Variants in CPPED1 observed in about 807,000 individuals in gnomAD.
CPPED1 encodes calcineurin like phosphoesterase domain containing 1, also known as serine/threonine-protein phosphatase CPPED1.
Under a neutral mutation model 28.0 loss-of-function variants are expected in CPPED1, and 28 were observed. That is an observed-to-expected ratio of 1.00 (90% CI 0.74 to 1.37). The LOEUF (loss-of-function observed/expected upper bound fraction) is 1.37. CPPED1 is among the 40% of genes most tolerant of loss of function. The probability of loss-of-function intolerance (pLI) is 0.00; values close to 1 mark genes in which losing one functional copy is unlikely to be tolerated. For missense variants in CPPED1, 504 were observed against 416.5 expected (o/e 1.21, Z -1.83); for synonymous variants, 198 against 180.2 (o/e 1.10, Z -0.79).
chr16:12,797,717 AT>A (rs2141247586), intron 1 of CPPED1, among the ~76,000 whole-genome samples: 1 of 152,276 alleles, frequency 6.6e-6, no homozygotes, highest in South Asian at 2.1e-4. Context: ...TGAAAAAAAA[AT>A]GGCAAAAAAT....
At chr16:12,732,852 C>T (rs907643514) in intron 2 of CPPED1, among the ~76,000 whole-genome samples, 5 of 152,154 alleles carry the variant, frequency 3.3e-5, no homozygotes, top group Non-Finnish European at 7.3e-5. Flanking sequence ...GCAATTTCTT[C>T]TCCAGAAGCT....
intron 2 of CPPED1, among the ~76,000 whole-genome samples, chr16:12,716,776 C>T (rs2080109115): frequency 6.6e-6 from 1 of 152,208 alleles, no homozygotes; most frequent in African/African-American, 2.4e-5. Context: ...ACCCCTGCTA[C>T]CCACTGTGTG....
At chr16:12,730,687 G>A (rs1215981828) in intron 2 of CPPED1, among the ~76,000 whole-genome samples, 3 of 152,208 alleles carry the variant, frequency 2.0e-5, no homozygotes, top group Non-Finnish European at 2.9e-5. Flanking sequence ...GAAGCCAGAA[G>A]ACACAAGAGT....
At chr16:12,667,133 AAAC>A (rs1243299953) in intron 3 of CPPED1, among the ~76,000 whole-genome samples, 1 of 152,196 alleles carries the variant, frequency 6.6e-6, no homozygotes, top group Non-Finnish European at 1.5e-5. Flanking sequence ...GAAAAACAAA[AAAC>A]AAAAAAAACA....
intron 2 of CPPED1, among the ~76,000 whole-genome samples, chr16:12,744,881 G>A (rs2080277310): frequency 6.6e-6 from 1 of 152,190 alleles, no homozygotes; most frequent in Admixed American, 6.5e-5. Flanking sequence ...CTACTTGGAA[G>A]GCTGAGAGTA....
intron 1 of CPPED1, among the ~76,000 whole-genome samples, chr16:12,781,899 T>C (rs971346224): frequency 1.2e-4 from 19 of 152,072 alleles, no homozygotes; most frequent in African/African-American, 4.3e-4. Context: ...ACTTGGCGCT[T>C]GGAAGCTCTG....
chr16:12,731,736 T>A (rs912486435), intron 2 of CPPED1, among the ~76,000 whole-genome samples: 17 of 151,206 alleles, frequency 1.1e-4, no homozygotes, highest in Admixed American at 2.0e-4. Flanking sequence ...TTTTTTTTTT[T>A]AAATTGCACT....
At chr16:12,727,444 CT>C (rs2080176053) in intron 2 of CPPED1, among the ~76,000 whole-genome samples, 1 of 152,150 alleles carries the variant, frequency 6.6e-6, no homozygotes, top group South Asian at 2.1e-4. Flanking sequence ...ACTCGACCTC[CT>C]GGGATCAAGC....
rs578228040 is a variant in CPPED1, at chr16:12,770,815, A to G, written c.289+10370T>C. ...CCAGCCTGGGTGACAGAGTGAGGCT[A>G]TATCAAGGAAAGGAAAGGGAGGGCA... is the stretch of plus-strand genomic sequence containing the variant. On this transcript the variant is annotated intron_variant, in intron 2 of 3. Transcript: ENST00000381774. Among the ~76,000 whole-genome samples, 3 of 149,916 alleles carry G rather than the reference A, an allele frequency of 2.0e-5. 1 individual carries two copies. Among genetic ancestry groups the G allele is most frequent in the African/African-American group, 7.3e-5 (3 of 40,872 alleles).
chr16:12,726,087 G>T (rs957428819), intron 2 of CPPED1, among the ~76,000 whole-genome samples: 2 of 152,086 alleles, frequency 1.3e-5, no homozygotes, highest in African/African-American at 4.8e-5. Context: ...TGTCGCCCAA[G>T]CTGGAGTGCA....
chr16:12,704,931 G>T lies in CPPED1; in HGVS notation c.408C>A (p.Ala136=), dbSNP rs764436302. The change falls in exon 3 of 4, where the codon GCC becomes GCA. Residue 136 remains alanine, a synonymous_variant. Transcript: ENST00000381774. ...TCCGGCAGAACTCCTCGACGGTCTCGGCCGTGGGGGTGTTGCCAATGTCAT... is the reference window on the plus strand; with the variant it reads ...TCCGGCAGAACTCCTCGACGGTCTCTGCCGTGGGGGTGTTGCCAATGTCAT... The part of the protein sequence containing the change: ...GNHDIGNTPT[A]ETVEEFCRTW... 1.9e-6 allele frequency: 3 copies of T among 1,614,138 alleles called. No homozygotes were observed. Among genetic ancestry groups the T allele is most frequent in the Non-Finnish European group, 2.5e-6 (3 of 1,180,036 alleles).
chr16:12,694,721 T>C (rs907918847), intron 3 of CPPED1, among the ~76,000 whole-genome samples: 3 of 75,172 alleles, frequency 4.0e-5, no homozygotes, highest in Non-Finnish European at 6.2e-5. Context: ...TATGGATGCT[T>C]AAAAAAAGGT....
intron 2 of CPPED1, among the ~76,000 whole-genome samples, chr16:12,724,907 C>A (rs1263229556): frequency 6.6e-6 from 1 of 152,030 alleles, no homozygotes; most frequent in East Asian, 1.9e-4. Flanking sequence ...CTGCCTCAGC[C>A]TCCCGAGTAG....
At chr16:12,681,082 C>T (rs1485329430) in intron 3 of CPPED1, among the ~76,000 whole-genome samples, 3 of 152,080 alleles carry the variant, frequency 2.0e-5, no homozygotes, top group Non-Finnish European at 2.9e-5. Flanking sequence ...TACTCTAAAA[C>T]CTGAAGAGAT....
At chr16:12,705,118 C>T in intron 2 of CPPED1, 69 bp from the exon 3 acceptor site, 1 of 1,436,600 alleles carries the variant, frequency 7.0e-7, no homozygotes, top group Non-Finnish European at 9.4e-7. Context: ...AACTTAAGTA[C>T]TTACTAACAT....
Position 12,732,289 on chromosome 16 carries a change from G to A in CPPED1, c.290-27240C>T, listed in dbSNP as rs145085802. Among the ~76,000 whole-genome samples, 658 of 150,954 alleles carry A rather than the reference G, an allele frequency of 4.4e-3. 8 individuals carry two copies. Among genetic ancestry groups the A allele is most frequent in the African/African-American group, 0.015 (630 of 41,062 alleles). On this transcript the variant is annotated intron_variant, in intron 2 of 3. Coordinates refer to ENST00000381774, the MANE Select transcript of CPPED1 (RefSeq NM_018340.3). ...CTATGGTAGCAAAAATGAAAAGCTC[G>A]GTAGAAGGCTTAGAAGATAAGGTGA...
At chr16:12,668,713 C>T (rs984838925) in intron 3 of CPPED1, among the ~76,000 whole-genome samples, 7 of 152,032 alleles carry the variant, frequency 4.6e-5, no homozygotes, top group Admixed American at 1.3e-4. Flanking sequence ...CACAAATGGC[C>T]GATAATTACA....
At chr16:12,757,271 C>A (rs540175052) in intron 2 of CPPED1, among the ~76,000 whole-genome samples, 2 of 152,200 alleles carry the variant, frequency 1.3e-5, no homozygotes, top group African/African-American at 4.8e-5. Context: ...CAGTCCTGGG[C>A]AAACCAGGCT....
chr16:12,696,614 TGTATTTTTA>T (rs2079992361), intron 3 of CPPED1, among the ~76,000 whole-genome samples: 1 of 151,842 alleles, frequency 6.6e-6, no homozygotes, highest in South Asian at 2.1e-4. Flanking sequence ...ACTAATTTTT[TGTATTTTTA>T]GTAGAGATGG....
Sources: gnomAD v4.1 joint callset for allele counts (sites outside exome capture counted in the v4.1 genomes callset) on GRCh38, gnomAD v4.1.1 for gene constraint, MANE v1.5 for transcripts, NCBI Gene and HGNC (gene_info 2026-07-23, HGNC 2026-07-21) for gene names.